Variants in ZNF106 observed in about 807,000 individuals in gnomAD.
ZNF106 encodes zinc finger protein 106.
ZNF106 carries 67 observed loss-of-function variants against 195.1 expected under a neutral mutation model. The observed-to-expected ratio is 0.34, with a 90% confidence interval of 0.28 to 0.42. ZNF106 has a LOEUF of 0.42. Among genes scored for constraint, ZNF106 ranks in the 10% least tolerant of loss-of-function variants. ZNF106 has a pLI of 1.00. For synonymous variants in ZNF106, 784 were observed against 818.6 expected, an observed-to-expected ratio of 0.96 and a Z score of 0.72; for missense variants, 2,118 against 2,304.5, an observed-to-expected ratio of 0.92 and a Z score of 1.66.
intron 3 of ZNF106, among the ~76,000 whole-genome samples, chr15:42,459,843 AG>A (rs2056345717): frequency 6.6e-6 from 1 of 152,062 alleles, no homozygotes; most frequent in Non-Finnish European, 1.5e-5. Flanking sequence ...GTTCGAGACC[AG>A]GCTGGCCAAT....
At chr15:42,478,365 T>C (rs1355333190) in intron 1 of ZNF106, among the ~76,000 whole-genome samples, 2 of 151,914 alleles carry the variant, frequency 1.3e-5, no homozygotes, top group South Asian at 2.1e-4. Context: ...AGTTTCACCA[T>C]ATTGGCCAGG....
Position 42,489,382 on chromosome 15 carries a change from G to A in ZNF106, c.-33+1598C>T, listed in dbSNP as rs186055899. ...AGTAGAGACGGTGTTTCTCCATGTC[G>A]GTCAGCCTGGTCTCAAACTCCTGAC... On this transcript the variant is annotated intron_variant, in intron 1 of 21. Coordinates refer to ENST00000564754, the MANE Select transcript of ZNF106 (RefSeq NM_001366845.3). Among the ~76,000 whole-genome samples, 14 of 151,894 alleles carry A rather than the reference G, an allele frequency of 9.2e-5. No individual in the cohort carries two copies. The East Asian group carries it at 2.4e-3, about 26-fold the overall frequency.
Position 42,467,595 on chromosome 15 carries a change from C to T in ZNF106, c.55-1481G>A, listed in dbSNP as rs139976073. 8.6e-5 allele frequency among the ~76,000 whole-genome samples: 13 copies of T among 150,498 alleles called. No individual in the cohort carries two copies. The East Asian group carries it at 2.3e-3, about 27-fold the overall frequency. On this transcript the variant is annotated intron_variant, in intron 2 of 21. Transcript: ENST00000564754. ...TCATGTGGTCGAGTTTGAGACCAGC[C>T]TAGCTAACATGGTGAAACCCCATCT...
At chr15:42,459,886 T>C (rs1412268099) in intron 3 of ZNF106, among the ~76,000 whole-genome samples, 11 of 150,938 alleles carry the variant, frequency 7.3e-5, no homozygotes, top group African/African-American at 2.4e-4. Context: ...TAAAAAAAAA[T>C]ACAAAAATTA....
In ZNF106 at chr15:42,418,622, G is replaced by A. The variant is rs533662031; in HGVS notation, c.5518-671C>T. On this transcript the variant is annotated intron_variant, in intron 20 of 21. Transcript: ENST00000564754. ...TCAAACTCCCAACCTCAAGTGATCC[G>A]CCCATCTTGGCCTCCCAAAGTGCTG... Among the ~76,000 whole-genome samples the A allele has an allele frequency of 3.2e-3, 445 of 139,152 alleles. 1 individual carries two copies. The highest frequency in any genetic ancestry group is 0.011 in the African/African-American group (423 of 37,010). 91.3% of individuals were successfully genotyped at this position (139,152 alleles called of 152,430 possible).
At chr15:42,418,029 C>A in intron 20 of ZNF106, 78 bp from the exon 21 acceptor site, 2 of 1,400,460 alleles carry the variant, frequency 1.4e-6, no homozygotes, top group Admixed American at 2.8e-5. Flanking sequence ...CAGCTGGATC[C>A]CATAAGCACT....
At position 42,462,713 on chromosome 15, in the gene ZNF106, G is replaced by T. The variant is rs551491451; in HGVS notation, c.116+3340C>A. On this transcript the variant is annotated intron_variant, in intron 3 of 21. Transcript: ENST00000564754. ...AATAGGATTTAGAGGGGAAAGGGGG[G>T]TGGAGAGAAGACTTTTACTTTTTAA... Among the ~76,000 whole-genome samples the T allele has an allele frequency of 2.0e-5, 3 of 152,338 alleles. No individual in the cohort carries two copies. The East Asian group carries it at 5.8e-4, about 29-fold the overall frequency.
chr15:42,482,808 C>T (rs1361256019), intron 1 of ZNF106, among the ~76,000 whole-genome samples: 3 of 152,102 alleles, frequency 2.0e-5, no homozygotes, highest in South Asian at 2.1e-4. Flanking sequence ...GGATTACAGG[C>T]GTGAGCCACC....
chr15:42,476,212 C>A (rs965675536), intron 1 of ZNF106, among the ~76,000 whole-genome samples: 3 of 152,086 alleles, frequency 2.0e-5, no homozygotes, highest in Non-Finnish European at 4.4e-5. Context: ...AGTATTTAAA[C>A]CCTGAGGTGA....
At chr15:42,420,776 C>T (rs1180616188) in intron 20 of ZNF106, among the ~76,000 whole-genome samples, 1 of 152,140 alleles carries the variant, frequency 6.6e-6, no homozygotes, top group Non-Finnish European at 1.5e-5. Flanking sequence ...ACCATTAACA[C>T]TAGTAATCTC....
intron 1 of ZNF106, among the ~76,000 whole-genome samples, chr15:42,477,899 C>CAA (rs112291423): frequency 1.4e-5 from 2 of 147,662 alleles, no homozygotes; most frequent in East Asian, 4.0e-4. Flanking sequence ...TCAAAAAAAA[C>CAA]AAAAAAAAAC....
intron 3 of ZNF106, among the ~76,000 whole-genome samples, chr15:42,461,350 G>A (rs1266636156): frequency 6.6e-6 from 1 of 152,242 alleles, no homozygotes; most frequent in East Asian, 1.9e-4. Flanking sequence ...TCCTTGGCTA[G>A]CAAAGGCAAT....
intron 2 of ZNF106, among the ~76,000 whole-genome samples, chr15:42,468,366 C>T (rs898689934): frequency 1.3e-5 from 2 of 151,880 alleles, no homozygotes; most frequent in African/African-American, 4.8e-5. Flanking sequence ...GCATGAGCCA[C>T]TGTGCCCAGC....
intron 15 of ZNF106, 92 bp downstream of exon 15, chr15:42,427,926 T>C (rs1486521785): frequency 6.7e-6 from 7 of 1,051,570 alleles, no homozygotes; most frequent in African/African-American, 6.2e-5. Context: ...CAGAAGAAAA[T>C]AGGAAAATCC....
At chr15:42,472,003 A>G (rs991917989) in intron 2 of ZNF106, among the ~76,000 whole-genome samples, 6 of 152,318 alleles carry the variant, frequency 3.9e-5, no homozygotes, top group Admixed American at 3.3e-4. Context: ...ATACGCTCAA[A>G]TTCTGGATGG....
At chr15:42,457,298 T>C (rs2056261643) in intron 3 of ZNF106, 140 bp from the exon 4 acceptor site, 4 of 1,518,548 alleles carry the variant, frequency 2.6e-6, no homozygotes, top group South Asian at 2.7e-5. Context: ...TCAATGCTCC[T>C]TTCATCACTT....
intron 10 of ZNF106, among the ~76,000 whole-genome samples, chr15:42,440,412 C>T (rs962290475): frequency 4.6e-5 from 7 of 152,034 alleles, no homozygotes; most frequent in African/African-American, 1.7e-4. Context: ...TATTGTTTAG[C>T]CAGATTATGC....
In ZNF106 at chr15:42,450,991, T is replaced by C. The variant is rs781401760; in HGVS notation, c.1281A>G (p.Lys427=). Residue 427 remains lysine (K), a synonymous_variant, in exon 5 of 22, where the codon AAA becomes AAG. Coordinates refer to ENST00000564754, the MANE Select transcript of ZNF106 (RefSeq NM_001366845.3). ...TDETRNSPTQ[K]TQKEIHTGSL... ...ATCCAGTATGTATTTCTTTTTGTGTTTTCTGTGTTGGGGAATTACGTGTTT... is the reference window on the plus strand; with the variant it reads ...ATCCAGTATGTATTTCTTTTTGTGTCTTCTGTGTTGGGGAATTACGTGTTT... The C allele has an allele frequency of 6.2e-7, 1 of 1,614,070 alleles. No homozygotes were observed. Among genetic ancestry groups the C allele is most frequent in the Non-Finnish European group, 8.5e-7 (1 of 1,180,040 alleles).
At chr15:42,480,153 T>C (rs1567033424) in intron 1 of ZNF106, among the ~76,000 whole-genome samples, 1 of 152,242 alleles carries the variant, frequency 6.6e-6, no homozygotes, top group Non-Finnish European at 1.5e-5. Flanking sequence ...GAAAGAAGAA[T>C]GTTCAAATCT....
Sources: gnomAD v4.1 joint callset for allele counts (sites outside exome capture counted in the v4.1 genomes callset) on GRCh38, gnomAD v4.1.1 for gene constraint, MANE v1.5 for transcripts, NCBI Gene and HGNC (gene_info 2026-07-23, HGNC 2026-07-21) for gene names.